The following STX8 variants were observed in gnomAD, a reference collection of about 807,000 sequenced individuals.
STX8 encodes syntaxin 8.
In STX8, 23 loss-of-function variants were observed where a neutral mutation model predicts 37.5. That is an observed-to-expected ratio of 0.61 (90% CI 0.44 to 0.87). STX8 has a LOEUF of 0.87. STX8 is among the 40% of genes least tolerant of loss of function. STX8 has a pLI of 0.00. For synonymous variants in STX8, 115 were observed against 99.1 expected, an observed-to-expected ratio of 1.16 and a Z score of -0.95; for missense variants, 313 against 284.7, an observed-to-expected ratio of 1.10 and a Z score of -0.71.
At chr17:9,553,733 A>G (rs1906854392) in intron 3 of STX8, 1 of 152,258 alleles carries the variant, frequency 6.6e-6, no homozygotes, top group Non-Finnish European at 1.5e-5. Context: ...GATTTGTATT[A>G]TAAACAAGAT....
chr17:9,472,703 T>A lies in STX8; in HGVS notation c.541+19126A>T, dbSNP rs117134866. On this transcript the variant is annotated intron_variant, in intron 6 of 7. Coordinates refer to ENST00000306357, the MANE Select transcript of STX8 (RefSeq NM_004853.3). Reference sequence around the variant, plus strand: ...GGTAGCCTCCCTCTTGGAGGTCAAATAGGAACAGCGGTGAATGAAGTTCAG... The same window carrying A: ...GGTAGCCTCCCTCTTGGAGGTCAAAAAGGAACAGCGGTGAATGAAGTTCAG... Among the ~76,000 whole-genome samples, 205 of 152,298 alleles carry A rather than the reference T, an allele frequency of 1.3e-3. 7 individuals are homozygous for A. In the East Asian group the frequency reaches 0.037, roughly 27 times the overall value.
At chr17:9,444,494 T>C (rs1324212822) in intron 6 of STX8, among the ~76,000 whole-genome samples, 3 of 152,184 alleles carry the variant, frequency 2.0e-5, no homozygotes, top group African/African-American at 4.8e-5. Flanking sequence ...TTAATAATAA[T>C]AAACCTCAGT....
intron 4 of STX8, among the ~76,000 whole-genome samples, chr17:9,505,396 G>A (rs549539061): frequency 1.3e-5 from 2 of 152,294 alleles, no homozygotes; most frequent in African/African-American, 2.4e-5. Context: ...GATGATGGGA[G>A]AACATAATAT....
chr17:9,419,884 G>T (rs553222401), intron 6 of STX8, among the ~76,000 whole-genome samples: 1 of 152,326 alleles, frequency 6.6e-6, no homozygotes, highest in African/African-American at 2.4e-5. Context: ...GAAATTATCT[G>T]TGTAGAAACC....
intron 6 of STX8, among the ~76,000 whole-genome samples, chr17:9,379,472 G>C (rs1332490607): frequency 6.6e-6 from 1 of 152,116 alleles, no homozygotes; most frequent in Non-Finnish European, 1.5e-5. Flanking sequence ...AATTCCAACT[G>C]AAAAATTAGT....
At chr17:9,437,913 C>A (rs530821297) in intron 6 of STX8, 4 of 152,106 alleles carry the variant, frequency 2.6e-5, no homozygotes, top group Non-Finnish European at 5.9e-5. Flanking sequence ...GAGCTGGAAT[C>A]AACTGGTACT....
At chr17:9,540,106 A>G (rs930100403) in intron 4 of STX8, among the ~76,000 whole-genome samples, 3 of 152,054 alleles carry the variant, frequency 2.0e-5, no homozygotes, top group African/African-American at 7.2e-5. Context: ...CAAAAATAAT[A>G]CTCTTACATA....
intron 6 of STX8, among the ~76,000 whole-genome samples, chr17:9,437,340 G>A (rs963187779): frequency 2.0e-5 from 3 of 152,090 alleles, no homozygotes; most frequent in South Asian, 4.2e-4. Context: ...GGATTCACTC[G>A]TCAGGGCTAC....
intron 6 of STX8, chr17:9,467,360 G>T (rs373589233): frequency 6.6e-6 from 1 of 152,196 alleles, no homozygotes; most frequent in Admixed American, 6.6e-5. Flanking sequence ...ATGCTGTAGG[G>T]TCTGGAGGGT....
chr17:9,285,483 G>C (rs941703095), intron 7 of STX8, among the ~76,000 whole-genome samples: 1 of 151,876 alleles, frequency 6.6e-6, no homozygotes, highest in African/African-American at 2.4e-5. Context: ...ACTGCTGGGT[G>C]TCTTCAATAC....
chr17:9,368,224 G>A (rs1054459165), intron 7 of STX8, among the ~76,000 whole-genome samples: 1 of 152,078 alleles, frequency 6.6e-6, no homozygotes, highest in Admixed American at 6.6e-5. Context: ...ACATTGATGG[G>A]CCAGGCATGG....
chr17:9,505,702 A>G (rs962575638), intron 4 of STX8, among the ~76,000 whole-genome samples: 3 of 152,112 alleles, frequency 2.0e-5, no homozygotes, highest in Non-Finnish European at 4.4e-5. Context: ...GCCCTCTGGG[A>G]GGCTGAGGCG....
At chr17:9,394,585 G>A (rs1367721915) in intron 6 of STX8, among the ~76,000 whole-genome samples, 1 of 151,154 alleles carries the variant, frequency 6.6e-6, no homozygotes, top group Admixed American at 6.6e-5. Flanking sequence ...TACTCGTCTT[G>A]AACTCCTGAC....
intron 6 of STX8, among the ~76,000 whole-genome samples, chr17:9,392,024 C>T (rs1912240299): frequency 6.6e-6 from 1 of 152,180 alleles, no homozygotes; most frequent in Non-Finnish European, 1.5e-5. Context: ...GGCTACTGCA[C>T]CTGTGGGACA....
intron 6 of STX8, among the ~76,000 whole-genome samples, chr17:9,418,237 A>T (rs1430237736): frequency 6.6e-6 from 1 of 152,160 alleles, no homozygotes; most frequent in Non-Finnish European, 1.5e-5. Context: ...GAGACGTGGT[A>T]TTGGAAAAGT....
intron 6 of STX8, among the ~76,000 whole-genome samples, chr17:9,379,244 C>CAAAAAAAA (rs34928127): frequency 3.9e-5 from 3 of 76,676 alleles, no homozygotes; most frequent in Admixed American, 1.6e-4. Flanking sequence ...GACTCCATCT[C>CAAAAAAAA]AAAAAAAAAA....
intron 7 of STX8, among the ~76,000 whole-genome samples, chr17:9,369,174 A>G (rs1377180911): frequency 1.3e-5 from 2 of 152,212 alleles, no homozygotes; most frequent in Non-Finnish European, 2.9e-5. Context: ...GAAGAAGAGA[A>G]CAGATGAATG....
At chr17:9,530,808 T>C (rs1395321556) in intron 4 of STX8, among the ~76,000 whole-genome samples, 1 of 152,210 alleles carries the variant, frequency 6.6e-6, no homozygotes, top group Admixed American at 6.5e-5. Flanking sequence ...AAAAAGAATT[T>C]TTTGTTTTAA....
intron 7 of STX8, among the ~76,000 whole-genome samples, chr17:9,373,723 C>T (rs944114612): frequency 5.3e-5 from 8 of 152,038 alleles, no homozygotes; most frequent in Admixed American, 3.3e-4. Flanking sequence ...GTGGATCACC[C>T]GAGGCTGGGA....
Sources: gnomAD v4.1 joint callset for allele counts (sites outside exome capture counted in the v4.1 genomes callset) on GRCh38, gnomAD v4.1.1 for gene constraint, MANE v1.5 for transcripts, NCBI Gene and HGNC (gene_info 2026-07-23, HGNC 2026-07-21) for gene names.